The following GK variants were observed in gnomAD, a reference collection of about 807,000 sequenced individuals.
The protein encoded by GK is ATP:glycerol 3-phosphotransferase.
Under a neutral mutation model 56.4 loss-of-function variants are expected in GK, and 9 were observed. The observed-to-expected ratio is 0.16, with a 90% CI of 0.10 to 0.28. GK has a LOEUF of 0.28. Among genes scored for constraint, GK ranks in the 10% least tolerant of loss-of-function variants. The pLI is 1.00. For missense variants in GK, 161 were observed against 431.4 expected (o/e 0.37, Z 5.55); for synonymous variants, 104 against 144.1 (o/e 0.72, Z 1.99).
Position 30,696,679 on chromosome X carries a change from T to C in GK, c.725T>C (p.Leu242Pro). The C allele has an allele frequency of 8.4e-7, 1 of 1,183,672 alleles. No individual in the cohort carries two copies. The highest frequency in any genetic ancestry group is 1.1e-6 in the Non-Finnish European group (1 of 871,778). Reference protein sequence around the residue: ...NVRSSSEIYGLMKISHSVKAG... With the variant: ...NVRSSSEIYGPMKISHSVKAG... ...CGGAGTTCTTCTGAGATCTATGGCC[T>C]AATGGTAAAAAACAAACAAACAAAC... The change falls in exon 8 of 21, where the codon CTA (leucine) becomes CCA (proline). Residue 242 changes from leucine to proline, a missense_variant. Coordinates refer to ENST00000427190, the MANE Select transcript of GK (RefSeq NM_001205019.2).
At chrX:30,707,230 T>C (rs1024469126) in intron 11 of GK, among the ~76,000 whole-genome samples, 1 of 107,741 alleles carries the variant, frequency 9.3e-6, no homozygotes, top group Non-Finnish European at 1.9e-5. Flanking sequence ...CTTGGGAGGC[T>C]GAGGCAGGAG....
intron 2 of GK, among the ~76,000 whole-genome samples, chrX:30,666,585 T>G (rs1262912075): frequency 8.9e-6 from 1 of 111,972 alleles, no homozygotes; most frequent in Non-Finnish European, 1.9e-5. Flanking sequence ...CAGCAAATTG[T>G]GTGCTTTCGA....
chrX:30,696,605 C>A lies in GK; in HGVS notation c.663-12C>A, dbSNP rs748907290. Reference sequence around the variant, plus strand: ...AAAACAGTGTTAAATACCCAATCTTCTTGTTTTTCAGATTTTTTGGAATTC... The same window carrying A: ...AAAACAGTGTTAAATACCCAATCTTATTGTTTTTCAGATTTTTTGGAATTC... On this transcript the variant is annotated splice_polypyrimidine_tract_variant and intron_variant, in intron 7 of 20. Transcript: ENST00000427190. 8.6e-7 allele frequency: 1 copy of A among 1,165,970 alleles called. No individual in the cohort carries two copies. The highest frequency in any genetic ancestry group is 1.2e-6 in the Non-Finnish European group (1 of 855,621).
intron 2 of GK, among the ~76,000 whole-genome samples, chrX:30,666,946 A>G (rs1320738794): frequency 9.0e-6 from 1 of 111,194 alleles, no homozygotes; most frequent in Non-Finnish European, 1.9e-5. Flanking sequence ...TGAGGTCAGG[A>G]GATCGAGACC....
intron 11 of GK, among the ~76,000 whole-genome samples, chrX:30,704,078 G>T (rs1188674840): frequency 9.9e-6 from 1 of 101,035 alleles, no homozygotes; most frequent in Non-Finnish European, 1.9e-5. Flanking sequence ...ACAAGTAGAA[G>T]TAGCAGGCAC....
At chrX:30,708,446 T>C (rs1936144109) in intron 13 of GK, among the ~76,000 whole-genome samples, 1 of 110,353 alleles carries the variant, frequency 9.1e-6, no homozygotes, top group Non-Finnish European at 1.9e-5. Flanking sequence ...TAACGTGCTC[T>C]CTAACATTTC....
intron 11 of GK, among the ~76,000 whole-genome samples, chrX:30,704,680 T>C (rs1348344837): frequency 9.1e-6 from 1 of 109,897 alleles, no homozygotes; most frequent in Non-Finnish European, 1.9e-5. Context: ...CAAGCAGTTC[T>C]CCTGCCTCAG....
intron 4 of GK, among the ~76,000 whole-genome samples, chrX:30,683,737 TTAA>T (rs1346578370): frequency 8.9e-6 from 1 of 112,671 alleles, no homozygotes; most frequent in Non-Finnish European, 1.9e-5. Context: ...AATTATGTGA[TTAA>T]TAAGGTAAAC....
intron 5 of GK, among the ~76,000 whole-genome samples, chrX:30,691,582 C>T (rs1934936516): frequency 1.9e-5 from 2 of 105,874 alleles, no homozygotes; most frequent in Non-Finnish European, 3.9e-5. Flanking sequence ...AAGCAATTCT[C>T]CTGCCTCAGC....
At chrX:30,683,479 C>G (rs998937605) in intron 4 of GK, among the ~76,000 whole-genome samples, 118 of 111,572 alleles carry the variant, frequency 1.1e-3, no homozygotes, top group African/African-American at 3.7e-3. Flanking sequence ...ATAATTCACT[C>G]ACCCCCACTA....
chrX:30,695,202 A>C, intron 6 of GK: 1 of 864,124 alleles, frequency 1.2e-6, no homozygotes, highest in Non-Finnish European at 1.5e-6. Context: ...CTCTCACTTG[A>C]CAGATCCACA....
intron 13 of GK, among the ~76,000 whole-genome samples, chrX:30,714,223 A>G (rs902938526): frequency 8.9e-6 from 1 of 111,803 alleles, no homozygotes; most frequent in Admixed American, 9.5e-5. Context: ...TAGATTATCT[A>G]TTGCTGTGTA....
chrX:30,714,579 G>T, intron 13 of GK, among the ~76,000 whole-genome samples: 1 of 111,958 alleles, frequency 8.9e-6, no homozygotes, highest in South Asian at 3.7e-4. Flanking sequence ...CAGGAAGGGA[G>T]GGAATATCTC....
chrX:30,670,941 C>T (rs975314654), intron 3 of GK, among the ~76,000 whole-genome samples: 1 of 108,967 alleles, frequency 9.2e-6, no homozygotes, highest in Non-Finnish European at 1.9e-5. Context: ...CGAGATTGCC[C>T]CACTGTACTC....
chrX:30,717,849 G>A (rs1285921509), intron 13 of GK, among the ~76,000 whole-genome samples: 1 of 111,375 alleles, frequency 9.0e-6, no homozygotes, highest in Non-Finnish European at 1.9e-5. Context: ...GGTAAGTGTT[G>A]TCATAGTCAT....
chrX:30,724,519 T>C, intron 19 of GK: 2 of 252,462 alleles, frequency 7.9e-6, no homozygotes, highest in South Asian at 9.2e-5. Context: ...TCCCCTCTCC[T>C]CTTACTTTAC....
chrX:30,673,250 G>T (rs1303945219), intron 3 of GK, among the ~76,000 whole-genome samples: 1 of 112,062 alleles, frequency 8.9e-6, no homozygotes, highest in African/African-American at 3.2e-5. Context: ...TATGATAATG[G>T]TTATGATGTC....
At chrX:30,676,605 G>C (rs1211331264) in intron 3 of GK, among the ~76,000 whole-genome samples, 1 of 111,169 alleles carries the variant, frequency 9.0e-6, no homozygotes, top group Non-Finnish European at 1.9e-5. Flanking sequence ...GGAATGTTTT[G>C]ACCAGGGCTT....
chrX:30,653,533 G>A lies in GK; in HGVS notation c.-5G>A, dbSNP rs759731044. 9 of 1,210,547 alleles carry A rather than the reference G, an allele frequency of 7.4e-6. No homozygotes were observed. In the South Asian group the frequency reaches 1.6e-4, roughly 21 times the overall value. On this transcript the variant is annotated 5_prime_UTR_variant, in exon 1 of 21. Coordinates refer to ENST00000427190, the MANE Select transcript of GK (RefSeq NM_001205019.2). The stretch of plus-strand genomic sequence containing the variant: ...GCAATCGCCGGCCGACCTGAAGCTG[G>A]TTTCATGGCAGCCTCAAAGAAGGCA...
Sources: gnomAD v4.1 joint callset for allele counts (sites outside exome capture counted in the v4.1 genomes callset) on GRCh38, gnomAD v4.1.1 for gene constraint, MANE v1.5 for transcripts, NCBI Gene and HGNC (gene_info 2026-07-23, HGNC 2026-07-21) for gene names.